The following ACACA variants were observed in gnomAD, a reference collection of about 807,000 sequenced individuals.
ACACA encodes the protein acetyl-CoA carboxylase 1.
In ACACA, 103 loss-of-function variants were observed where a neutral mutation model predicts 296.1. That is an observed-to-expected ratio of 0.35 (90% CI 0.30 to 0.41). ACACA has a LOEUF of 0.41. ACACA is among the 10% of genes least tolerant of loss of function. The pLI is 1.00. For synonymous variants in ACACA, 953 were observed against 1,038.6 expected (o/e 0.92, Z 1.58); for missense variants, 1,554 against 2,989.7 (o/e 0.52, Z 11.20).
rs553983796 is a variant in ACACA, at chr17:37,094,703, A to G, written c.6891+2293T>C. Among the ~76,000 whole-genome samples the G allele has an allele frequency of 2.6e-5, 4 of 152,100 alleles. No individual in the cohort carries two copies. The South Asian group carries it at 8.3e-4, about 32-fold the overall frequency. On this transcript the variant is annotated intron_variant, in intron 54 of 55. Transcript: ENST00000616317. ...CAGATTTTATCACCCACCTCACACT[A>G]AACTAGGTCCTGCTGAGCCTGCCGA...
chr17:37,144,812 AT>A (rs34861925), intron 45 of ACACA, among the ~76,000 whole-genome samples: 11 of 149,624 alleles, frequency 7.4e-5, no homozygotes, highest in African/African-American at 7.3e-5. Context: ...AGAGTATAGG[AT>A]TTTTTTTTTT....
chr17:37,190,874 C>G (rs1447832405), intron 38 of ACACA, among the ~76,000 whole-genome samples: 2 of 152,186 alleles, frequency 1.3e-5, no homozygotes, highest in Non-Finnish European at 2.9e-5. Context: ...TTTTGTACTG[C>G]TTATAAGTGA....
intron 3 of ACACA, among the ~76,000 whole-genome samples, chr17:37,318,868 A>G (rs1042304511): frequency 6.6e-6 from 1 of 152,216 alleles, no homozygotes; most frequent in Non-Finnish European, 1.5e-5. Context: ...GAGAATCTGT[A>G]TGTCTTTCCT....
intron 33 of ACACA, among the ~76,000 whole-genome samples, chr17:37,202,318 C>T (rs988956055): frequency 6.6e-6 from 1 of 152,082 alleles, no homozygotes. Flanking sequence ...AGCAGAGCAA[C>T]AGGATTCTGA....
At chr17:37,363,926 T>C (rs2049512273) in intron 1 of ACACA, among the ~76,000 whole-genome samples, 1 of 151,206 alleles carries the variant, frequency 6.6e-6, no homozygotes, top group Non-Finnish European at 1.5e-5. Flanking sequence ...AGTTCAAGAC[T>C]AGCCTGGCCA....
intron 3 of ACACA, among the ~76,000 whole-genome samples, chr17:37,298,310 T>A (rs988199430): frequency 6.6e-6 from 1 of 152,232 alleles, no homozygotes; most frequent in Admixed American, 6.5e-5. Context: ...GTTTATTTTC[T>A]GTCTTTGCCT....
At chr17:37,111,450 C>T (rs1253342127) in intron 52 of ACACA, 81 bp downstream of exon 52, 6 of 999,756 alleles carry the variant, frequency 6.0e-6, no homozygotes, top group African/African-American at 1.6e-5. Flanking sequence ...GCTTCAGTGC[C>T]TCCTCCCCTG....
At chr17:37,235,926 A>G (rs2080090686) in intron 24 of ACACA, among the ~76,000 whole-genome samples, 1 of 152,224 alleles carries the variant, frequency 6.6e-6, no homozygotes, top group African/African-American at 2.4e-5. Flanking sequence ...CACTGTAGTG[A>G]TATCTGCCAT....
At chr17:37,132,201 G>A (rs887991754) in intron 45 of ACACA, among the ~76,000 whole-genome samples, 1 of 152,176 alleles carries the variant, frequency 6.6e-6, no homozygotes, top group African/African-American at 2.4e-5. Context: ...CACGCCGTTT[G>A]TTATTTTTAT....
rs549867147 is a variant in ACACA, at chr17:37,323,370, C to T, written c.338+6803G>A. Among the ~76,000 whole-genome samples, 8 of 152,332 alleles carry T rather than the reference C, an allele frequency of 5.3e-5. No individual in the cohort carries two copies. The East Asian group carries it at 1.5e-3, about 29-fold the overall frequency. ...AGCACTTGGGAAGGCCAAGGCCAGA[C>T]AATCACTTGAGGCCAGGAATTCAAG... On this transcript the variant is annotated intron_variant, in intron 3 of 55. Coordinates refer to ENST00000616317, the MANE Select transcript of ACACA (RefSeq NM_198834.3).
chr17:37,275,581 G>T (rs750338492), intron 8 of ACACA, among the ~76,000 whole-genome samples: 19 of 151,502 alleles, frequency 1.3e-4, no homozygotes, highest in Non-Finnish European at 2.8e-4. Flanking sequence ...TTTTCCTAGT[G>T]ATCCAGGCTA....
At chr17:37,329,631 A>T (rs1216754568) in intron 3 of ACACA, among the ~76,000 whole-genome samples, 1 of 131,330 alleles carries the variant, frequency 7.6e-6, no homozygotes, top group Non-Finnish European at 1.5e-5. Context: ...ACAGAGTGAG[A>T]CTCTATCTCA....
Position 37,259,498 on chromosome 17 carries a change from A to G in ACACA, c.1362T>C (p.Tyr454=), listed in dbSNP as rs748727060. 6.2e-7 allele frequency: 1 copy of G among 1,614,216 alleles called. No individual in the cohort carries two copies. Among genetic ancestry groups the G allele is most frequent in the South Asian group, 1.1e-5 (1 of 91,086 alleles). ...CAVKLAKMVG[Y]VSAGTVEYLY... is the part of the protein sequence containing the mutation. ...GGTATTCCACAGTCCCAGCACTCACATAACCCACCATTTTGGCAAGTTTCA... is the reference window on the plus strand; with the variant it reads ...GGTATTCCACAGTCCCAGCACTCACGTAACCCACCATTTTGGCAAGTTTCA... Residue 454 remains tyrosine, a synonymous_variant, in exon 12 of 56, where the codon TAT becomes TAC. Transcript: ENST00000616317.
At chr17:37,344,298 C>T (rs2048517640) in intron 1 of ACACA, among the ~76,000 whole-genome samples, 1 of 151,944 alleles carries the variant, frequency 6.6e-6, no homozygotes, top group Non-Finnish European at 1.5e-5. Context: ...CAGCTCACAC[C>T]TGTAATCACA....
rs541923636 is a variant in ACACA at position 37,249,178 on chromosome 17, T to C, written c.2082-504A>G. On this transcript the variant is annotated intron_variant, in intron 16 of 55. Transcript: ENST00000616317. ...CTTAAGATCCACCTATGTTTTAGCATGTGTCAGAATTTCCTTCTTCTTTAA... is the reference window on the plus strand; with the variant it reads ...CTTAAGATCCACCTATGTTTTAGCACGTGTCAGAATTTCCTTCTTCTTTAA... Among the ~76,000 whole-genome samples the C allele has an allele frequency of 2.0e-5, 3 of 152,358 alleles. No individual in the cohort carries two copies. The South Asian group carries it at 6.2e-4, about 32-fold the overall frequency.
At chr17:37,390,330 A>ATACATATATATATATCTATC (rs2050815584) in intron 1 of ACACA, among the ~76,000 whole-genome samples, 3 of 41,584 alleles carry the variant, frequency 7.2e-5, no homozygotes, top group Admixed American at 5.0e-4. Context: ...ATATATATAT[A>ATACATATATATATATCTATC]TATAAAAGGC....
At chr17:37,173,853 G>A (rs1401490240) in intron 41 of ACACA, among the ~76,000 whole-genome samples, 5 of 146,230 alleles carry the variant, frequency 3.4e-5, no homozygotes, top group East Asian at 4.0e-4. Flanking sequence ...TCACTCTGTC[G>A]CCCAGGCTGG....
At chr17:37,201,130 C>T (rs1401039227) in intron 33 of ACACA, among the ~76,000 whole-genome samples, 4 of 152,130 alleles carry the variant, frequency 2.6e-5, no homozygotes, top group African/African-American at 9.7e-5. Context: ...TAGGCATAGG[C>T]GACTAGTATA....
At chr17:37,250,310 ATTTT>A (rs1213219863) in intron 16 of ACACA, among the ~76,000 whole-genome samples, 6 of 152,288 alleles carry the variant, frequency 3.9e-5, no homozygotes, top group African/African-American at 1.4e-4. Flanking sequence ...TGCCTTTTGA[ATTTT>A]GAACCACATG....
Sources: gnomAD v4.1 joint callset for allele counts (sites outside exome capture counted in the v4.1 genomes callset) on GRCh38, gnomAD v4.1.1 for gene constraint, MANE v1.5 for transcripts, NCBI Gene and HGNC (gene_info 2026-07-23, HGNC 2026-07-21) for gene names.